RAD21L1: variants seen among roughly 807,000 people sequenced by gnomAD.
The protein encoded by RAD21L1 is double-strand-break repair protein rad21-like protein 1.
RAD21L1 carries 47 observed loss-of-function variants against 69.0 expected under a neutral mutation model. The observed-to-expected ratio is 0.68, with a 90% confidence interval of 0.54 to 0.87. The LOEUF is 0.87. Ranked by LOEUF, RAD21L1 falls within the 40% of genes least tolerant of loss-of-function variation. The pLI is 0.00. For synonymous variants in RAD21L1, 177 were observed against 205.8 expected, an observed-to-expected ratio of 0.86 and a Z score of 1.20; for missense variants, 583 against 647.6, an observed-to-expected ratio of 0.90 and a Z score of 1.08.
intron 13 of RAD21L1, among the ~76,000 whole-genome samples, chr20:1,252,320 T>G (rs746238152): frequency 6.6e-6 from 1 of 152,180 alleles, no homozygotes; most frequent in African/African-American, 2.4e-5. Context: ...TGTAGACTTA[T>G]GGTCTTTATA....
Position 1,229,916 on chromosome 20 carries a change from T to G in RAD21L1, c.181T>G (p.Leu61Val), listed in dbSNP as rs1331754782. The change falls in exon 3 of 14, where the codon TTG becomes GTG. Residue 61 changes from leucine to valine, a missense_variant. By Grantham distance (32) the Leu-to-Val change is conservative. Coordinates refer to ENST00000683101, the MANE Select transcript of RAD21L1 (RefSeq NM_001384355.1). ...IALRTSGHLL[L>V]GVVRIYNRKA... ...ACTTCGAACTTCAGGACACCTTCTT[T>G]TGGGAGTTGTTCGAATCTATAACAG... 8.4e-6 allele frequency: 13 copies of G among 1,549,622 alleles called. No homozygotes were observed. The highest frequency in any genetic ancestry group is 1.1e-5 in the Non-Finnish European group (13 of 1,145,360).
In RAD21L1 at chr20:1,254,450, A is replaced by G; in HGVS notation, c.1661A>G (p.Asn554Ser). 5.3e-6 allele frequency: 8 copies of G among 1,519,776 alleles called. No homozygotes were observed. Among genetic ancestry groups the G allele is most frequent in the Non-Finnish European group, 7.1e-6 (8 of 1,128,198 alleles). 94.1% of individuals were successfully genotyped at this position (1,519,776 alleles called of 1,614,324 possible). ...GCTACGATGGGACCAATGTTTTATA[A>G]CATATGAAGGAAACCCAGACATACA... ...IIATMGPMFY[N>S]I The change falls in exon 14 of 14, where the codon AAC (asparagine) becomes AGC (serine). Residue 554 changes from asparagine to serine, a missense_variant. Transcript: ENST00000683101.
chr20:1,255,328 G>T lies in RAD21L1; in HGVS notation c.*871G>T, dbSNP rs947862507. On this transcript the variant is annotated 3_prime_UTR_variant, in exon 14 of 14. Transcript: ENST00000683101. ...AGATCACCAAAATAAATGTTCTTTT[G>T]TTTGGTGTTTACTGAACATTTTTGA... Among the ~76,000 whole-genome samples, 8 of 152,184 alleles carry T rather than the reference G, an allele frequency of 5.3e-5. No individual in the cohort carries two copies. The highest frequency in any genetic ancestry group is 4.6e-4 in the Admixed American group (7 of 15,284).
At chr20:1,253,903 T>C (rs2087884081) in intron 13 of RAD21L1, among the ~76,000 whole-genome samples, 1 of 152,242 alleles carries the variant, frequency 6.6e-6, no homozygotes, top group African/African-American at 2.4e-5. Flanking sequence ...TTTCATTGTA[T>C]TTGAAGCCTC....
At chr20:1,250,015 C>A (rs749517281) in intron 13 of RAD21L1, among the ~76,000 whole-genome samples, 15 of 131,482 alleles carry the variant, frequency 1.1e-4, no homozygotes, top group African/African-American at 4.1e-4. Context: ...CTCCCCCGAC[C>A]CCATGACAGG....
At chr20:1,237,291 A>G (rs570246116) in intron 5 of RAD21L1, among the ~76,000 whole-genome samples, 1 of 152,274 alleles carries the variant, frequency 6.6e-6, no homozygotes, top group South Asian at 2.1e-4. Flanking sequence ...TGGAACTATC[A>G]GTGTAGTGTT....
At chr20:1,231,892 C>T (rs996523711) in intron 4 of RAD21L1, among the ~76,000 whole-genome samples, 35 of 152,156 alleles carry the variant, frequency 2.3e-4, no homozygotes, top group African/African-American at 8.5e-4. Flanking sequence ...CTGTTCTAGG[C>T]ACTGAGGAGA....
At chr20:1,228,307 TAATTG>T (rs1600212991) in intron 1 of RAD21L1, 110 bp from the exon 2 acceptor site, 4 of 512,810 alleles carry the variant, frequency 7.8e-6, no homozygotes, top group Non-Finnish European at 1.4e-5. Context: ...TTGTATTGAA[TAATTG>T]AATTAGAACA....
At chr20:1,243,625 G>T (rs996182534) in intron 10 of RAD21L1, among the ~76,000 whole-genome samples, 7 of 152,038 alleles carry the variant, frequency 4.6e-5, no homozygotes, top group African/African-American at 1.7e-4. Context: ...TACCCAAAAG[G>T]CACATGGAGT....
rs1343752847 is a variant in RAD21L1 at position 1,248,721 on chromosome 20, G to T, written c.1479+18G>T. The T allele has an allele frequency of 5.9e-6, 8 of 1,357,358 alleles. No homozygotes were observed. Among genetic ancestry groups the T allele is most frequent in the African/African-American group, 3.0e-5 (2 of 67,740 alleles). 84.1% of individuals were successfully genotyped at this position (1,357,358 alleles called of 1,614,324 possible). ...GTTTACGGGTGAGATGCTAGGGTTT[G>T]TCAACCCTGTTTTTATTTTAAAAAA... On this transcript the variant is annotated intron_variant, in intron 13 of 13. Coordinates refer to ENST00000683101, the MANE Select transcript of RAD21L1 (RefSeq NM_001384355.1).
chr20:1,249,802 A>G (rs895587412), intron 13 of RAD21L1, among the ~76,000 whole-genome samples: 2 of 152,246 alleles, frequency 1.3e-5, no homozygotes, highest in African/African-American at 4.8e-5. Context: ...GCTTCATAGC[A>G]TAATTACATT....
Position 1,243,127 on chromosome 20 carries a change from T to G in RAD21L1, c.1114T>G (p.Phe372Val). The G allele has an allele frequency of 1.3e-6, 2 of 1,539,330 alleles. No individual in the cohort carries two copies. The highest frequency in any genetic ancestry group is 1.8e-6 in the Non-Finnish European group (2 of 1,142,816). The change falls in exon 10 of 14, where the codon TTT becomes GTT. Residue 372 changes from phenylalanine (F) to valine (V), a missense_variant. Transcript: ENST00000683101. ...TACAAAATGCTTTCTGTCCTCTGGC[T>G]TTAAACTTGGAAGAAAAATGATACA... Reference protein sequence around the residue: ...LFTKCFLSSGFKLGRKMIQKE... With the variant: ...LFTKCFLSSGVKLGRKMIQKE...
rs139331470 is a variant in RAD21L1 at position 1,246,634 on chromosome 20, CAG to C, written c.1401+331_1401+332del. ...TATTGATATAACATCTCTAAAGAAA[CAG>C]AACTATATTAAGAGTATGGCCTAGG... On this transcript the variant is annotated intron_variant, in intron 12 of 13. Transcript: ENST00000683101. The surrounding 1 kb of genome is among the most constrained non-coding windows in gnomAD (Gnocchi z 4.6). Among the ~76,000 whole-genome samples the C allele has an allele frequency of 0.051, 7,701 of 152,150 alleles. 242 individuals carry two copies. The highest frequency in any genetic ancestry group is 0.095 in the South Asian group (460 of 4,826).
In RAD21L1 at chr20:1,229,928, C is replaced by G; in HGVS notation, c.193C>G (p.Arg65Gly). 1 of 1,549,356 alleles carries G rather than the reference C, an allele frequency of 6.5e-7. No homozygotes were observed. Residue 65 changes from arginine to glycine, a missense_variant, in exon 3 of 14, where the codon CGA (arginine) becomes GGA (glycine). Arg to Gly is a moderately radical substitution (Grantham distance 125). Transcript: ENST00000683101. ...TSGHLLLGVV[R>G]IYNRKAKYLL... ...AGGACACCTTCTTTTGGGAGTTGTT[C>G]GAATCTATAACAGGAAGGCAAAATA...
intron 8 of RAD21L1, among the ~76,000 whole-genome samples, 176 bp from the exon 9 acceptor site, chr20:1,242,442 AG>A (rs1225520748): frequency 2.0e-5 from 3 of 152,140 alleles, no homozygotes; most frequent in African/African-American, 7.2e-5. Flanking sequence ...CATGTTGCCC[AG>A]GCTGGTCTTG....
intron 12 of RAD21L1, among the ~76,000 whole-genome samples, chr20:1,248,298 A>G (rs930198809): frequency 6.6e-6 from 1 of 152,110 alleles, no homozygotes; most frequent in African/African-American, 2.4e-5. Context: ...GGATAACCCT[A>G]GGCAAAAGTT....
Position 1,246,152 on chromosome 20 carries a change from T to C in RAD21L1, c.1309-61T>C, listed in dbSNP as rs910022514. On this transcript the variant is annotated intron_variant, in intron 11 of 13. Transcript: ENST00000683101. The surrounding 1 kb of genome is among the most constrained non-coding windows in gnomAD (Gnocchi z 4.6). ...ATGTGATTAAAGCATTTAATAAAAT[T>C]AGATTGTTCCTGTATAACCACTGGC... 1.2e-6 allele frequency: 1 copy of C among 802,664 alleles called. No individual in the cohort carries two copies. Among genetic ancestry groups the C allele is most frequent in the African/African-American group, 1.8e-5 (1 of 55,692 alleles). The allele number at this position is 802,664 out of a possible 1,614,324, so 49.7% of individuals were successfully genotyped here. A position where few individuals can be genotyped will look rare whatever the true frequency, so the allele number is the denominator to read the frequency against.
intron 5 of RAD21L1, among the ~76,000 whole-genome samples, chr20:1,236,058 G>A (rs1272542926): frequency 2.6e-5 from 4 of 152,146 alleles, no homozygotes; most frequent in Non-Finnish European, 4.4e-5. Context: ...ATGACCTACC[G>A]TGCCCGGCCA....
intron 10 of RAD21L1, 41 bp from the exon 11 acceptor site, chr20:1,244,005 G>A: frequency 6.6e-7 from 1 of 1,525,834 alleles, no homozygotes; most frequent in Non-Finnish European, 8.9e-7. Flanking sequence ...AAGTTTGAAA[G>A]ATATTTTGGT....
Sources: allele counts gnomAD v4.1 joint callset (sites outside exome capture counted in the v4.1 genomes callset), GRCh38; gene constraint gnomAD v4.1.1; non-coding constraint Gnocchi (gnomAD v3.1); transcripts MANE v1.5; gene names NCBI Gene and HGNC (gene_info 2026-07-23, HGNC 2026-07-21).